The following SLC2A13 variants were observed in gnomAD, a reference collection of about 807,000 sequenced individuals.
The protein encoded by SLC2A13 is solute carrier family 2 member 13, also known as proton myo-inositol cotransporter.
SLC2A13 carries 32 observed loss-of-function variants against 64.4 expected under a neutral mutation model. The observed-to-expected ratio is 0.50, with a 90% CI of 0.37 to 0.67. The LOEUF (loss-of-function observed/expected upper bound fraction) is 0.67. Ranked by LOEUF, SLC2A13 falls within the 30% of genes least tolerant of loss-of-function variation. The pLI is 0.00. For synonymous variants in SLC2A13, 338 were observed against 327.1 expected, an observed-to-expected ratio of 1.03 and a Z score of -0.36; for missense variants, 743 against 829.2, an observed-to-expected ratio of 0.90 and a Z score of 1.28.
intron 6 of SLC2A13, among the ~76,000 whole-genome samples, chr12:39,833,892 T>TAAA (rs1161840484): frequency 5.7e-5 from 5 of 88,366 alleles, no homozygotes; most frequent in South Asian, 3.6e-4. Flanking sequence ...AGCATGGTCA[T>TAAA]AAAAAAAAAA....
Position 40,047,336 on chromosome 12 carries a change from G to C in SLC2A13, c.716+715C>G, listed in dbSNP as rs1160280686. 3.9e-5 allele frequency among the ~76,000 whole-genome samples: 6 copies of C among 152,062 alleles called. No homozygotes were observed. The South Asian group carries it at 1.2e-3, about 31-fold the overall frequency. ...AGAAGTAAATACTGAATAAATATTT[G>C]TTCTAATAAGTAGAGGCAAGAAAAC... On this transcript the variant is annotated intron_variant, in intron 2 of 9. Transcript: ENST00000280871.
At chr12:39,980,946 T>C (rs1946881615) in intron 3 of SLC2A13, among the ~76,000 whole-genome samples, 2 of 151,740 alleles carry the variant, frequency 1.3e-5, no homozygotes, top group Admixed American at 6.6e-5. Flanking sequence ...TCAGCAAATG[T>C]AAAAGAACAG....
At chr12:39,896,290 ATG>A (rs372257701) in intron 4 of SLC2A13, among the ~76,000 whole-genome samples, 9,811 of 96,294 alleles carry the variant, frequency 0.1, 1,253 homozygotes, top group East Asian at 0.24. Context: ...ATGTATGTAT[ATG>A]TGTGTATATA....
At chr12:40,079,684 A>C (rs1938319926) in intron 1 of SLC2A13, among the ~76,000 whole-genome samples, 1 of 152,160 alleles carries the variant, frequency 6.6e-6, no homozygotes, top group Non-Finnish European at 1.5e-5. Context: ...ATGATCTAAC[A>C]CTGTCAGTGA....
At chr12:40,050,105 C>T (rs914864365) in intron 1 of SLC2A13, among the ~76,000 whole-genome samples, 2 of 152,144 alleles carry the variant, frequency 1.3e-5, no homozygotes, top group African/African-American at 4.8e-5. Context: ...AAAGAGGAAA[C>T]AAACATCTGC....
intron 6 of SLC2A13, 36 bp downstream of exon 6, chr12:39,864,726 G>GTCA: frequency 6.2e-7 from 1 of 1,607,080 alleles, no homozygotes; most frequent in South Asian, 1.1e-5. Flanking sequence ...AGTTACCAGA[G>GTCA]TCATGTAAAG....
chr12:40,017,990 AAAAG>A (rs1262222781), intron 3 of SLC2A13, among the ~76,000 whole-genome samples: 4 of 151,388 alleles, frequency 2.6e-5, no homozygotes, highest in East Asian at 1.9e-4. Context: ...AAAAAAAAAA[AAAAG>A]AAAGAAAGAA....
At chr12:40,043,626 G>A (rs899004231) in intron 2 of SLC2A13, among the ~76,000 whole-genome samples, 2 of 151,942 alleles carry the variant, frequency 1.3e-5, no homozygotes, top group African/African-American at 2.4e-5. Flanking sequence ...TCACTATAAT[G>A]CAAATATATA....
At chr12:39,967,167 A>G (rs1181430855) in intron 3 of SLC2A13, among the ~76,000 whole-genome samples, 3 of 152,188 alleles carry the variant, frequency 2.0e-5, no homozygotes, top group African/African-American at 4.8e-5. Flanking sequence ...TAAAAATGCA[A>G]TCTTCCCACT....
At chr12:39,919,920 T>C (rs1241672799) in intron 4 of SLC2A13, among the ~76,000 whole-genome samples, 1 of 152,100 alleles carries the variant, frequency 6.6e-6, no homozygotes, top group African/African-American at 2.4e-5. Flanking sequence ...TTATAGTAAA[T>C]TCTTAAATGA....
chr12:40,051,693 C>A (rs1455754342), intron 1 of SLC2A13, among the ~76,000 whole-genome samples: 1 of 152,058 alleles, frequency 6.6e-6, no homozygotes, highest in African/African-American at 2.4e-5. Context: ...GTACTGCAGA[C>A]AATCAGATCA....
intron 1 of SLC2A13, among the ~76,000 whole-genome samples, chr12:40,061,276 G>A (rs182500676): frequency 6.6e-6 from 1 of 151,960 alleles, no homozygotes; most frequent in Non-Finnish European, 1.5e-5. Context: ...AAAAAGAAGG[G>A]CAATCAGTCT....
intron 7 of SLC2A13, among the ~76,000 whole-genome samples, chr12:39,800,577 A>G (rs1447285697): frequency 1.1e-5 from 1 of 91,938 alleles, no homozygotes; most frequent in African/African-American, 4.4e-5. Context: ...AATGGCAATC[A>G]TTAAAAAGTC....
At chr12:40,099,710 T>A (rs764939895) in intron 1 of SLC2A13, among the ~76,000 whole-genome samples, 30 of 152,120 alleles carry the variant, frequency 2.0e-4, no homozygotes, top group Non-Finnish European at 4.0e-4. Context: ...TCACTATAAC[T>A]GCAGTGTCAG....
chr12:40,006,652 G>C (rs1308265997), intron 3 of SLC2A13, among the ~76,000 whole-genome samples: 2 of 152,124 alleles, frequency 1.3e-5, no homozygotes, highest in East Asian at 3.8e-4. Context: ...AAAGATTTAG[G>C]TGAAGGTCTC....
intron 6 of SLC2A13, among the ~76,000 whole-genome samples, chr12:39,835,220 T>G (rs7963790): frequency 0.27 from 40,757 of 151,974 alleles, 5,945 homozygotes; most frequent in East Asian, 0.44. Context: ...AATTCTAGAC[T>G]TCAAAGTTTT....
intron 7 of SLC2A13, among the ~76,000 whole-genome samples, chr12:39,806,484 A>G (rs1029673488): frequency 2.0e-5 from 3 of 152,198 alleles, no homozygotes; most frequent in African/African-American, 7.2e-5. Flanking sequence ...TAGAAGTCAC[A>G]CAGGCTTCTA....
At chr12:40,031,517 G>T (rs139212974) in intron 2 of SLC2A13, among the ~76,000 whole-genome samples, 1 of 152,062 alleles carries the variant, frequency 6.6e-6, no homozygotes, top group Admixed American at 6.5e-5. Flanking sequence ...CACTGCTTTC[G>T]GCCAAGTTAC....
chr12:39,857,146 T>C (rs1165127628), intron 6 of SLC2A13, among the ~76,000 whole-genome samples: 2 of 152,222 alleles, frequency 1.3e-5, no homozygotes, highest in African/African-American at 2.4e-5. Context: ...CCCTTTATCT[T>C]GTTCTGTTAT....
Sources: gnomAD v4.1 joint callset for allele counts (sites outside exome capture counted in the v4.1 genomes callset) on GRCh38, gnomAD v4.1.1 for gene constraint, MANE v1.5 for transcripts, NCBI Gene and HGNC (gene_info 2026-07-23, HGNC 2026-07-21) for gene names.